The following ITGAM variants were observed in gnomAD, a reference collection of about 807,000 sequenced individuals.
ITGAM encodes the protein integrin alpha-M.
A neutral mutation model predicts 137.5 loss-of-function variants in ITGAM; 79 were observed. That is an observed-to-expected ratio of 0.57 (90% CI 0.48 to 0.69). ITGAM has a LOEUF of 0.69. ITGAM is among the 30% of genes least tolerant of loss of function. ITGAM has a pLI of 0.00. For missense variants in ITGAM, 1,343 were observed against 1,483.5 expected (o/e 0.91, Z 1.56); for synonymous variants, 583 against 592.3 (o/e 0.98, Z 0.23).
At chr16:31,284,101 A>G (rs555248561) in intron 12 of ITGAM, among the ~76,000 whole-genome samples, 1 of 152,250 alleles carries the variant, frequency 6.6e-6, no homozygotes, top group East Asian at 1.9e-4. Flanking sequence ...TTCGTTGCAG[A>G]GGGGCACCCA....
chr16:31,320,693 C>T (rs1214026407), intron 14 of ITGAM, among the ~76,000 whole-genome samples: 1 of 152,148 alleles, frequency 6.6e-6, no homozygotes, highest in Non-Finnish European at 1.5e-5. Context: ...AGATTGATCT[C>T]TTTTTCAGTT....
rs758114270 is a variant in ITGAM, at chr16:31,273,483, G to C, written c.823G>C (p.Ala275Pro). 3 of 1,613,766 alleles carry C rather than the reference G, an allele frequency of 1.9e-6. No homozygotes were observed. The highest frequency in any genetic ancestry group is 1.3e-5 in the African/African-American group (1 of 75,012). The stretch of plus-strand genomic sequence containing the variant: ...GGGATATGAGGATGTCATCCCTGAG[G>C]CAGACAGAGAGGGAGTCATTCGCTA... ...PLGYEDVIPE[A>P]DREGVIRYVI... Residue 275 changes from alanine (A) to proline (P), a missense_variant, in exon 8 of 30, where the codon GCA (alanine) becomes CCA (proline). Transcript: ENST00000544665.
At chr16:31,271,163 T>C in intron 6 of ITGAM, 79 bp downstream of exon 6, 1 of 1,245,194 alleles carries the variant, frequency 8.0e-7, no homozygotes, top group Non-Finnish European at 1.1e-6. Context: ...CATGTTCTCC[T>C]CCCAGTTCAA....
intron 5 of ITGAM, among the ~76,000 whole-genome samples, chr16:31,266,877 T>C (rs1276448793): frequency 1.6e-5 from 1 of 63,642 alleles, no homozygotes; most frequent in South Asian, 3.6e-4. Context: ...TTTTTTTTTT[T>C]TTTTTTTTGA....
chr16:31,262,214 C>A (rs1383362372), intron 2 of ITGAM, among the ~76,000 whole-genome samples: 1 of 152,158 alleles, frequency 6.6e-6, no homozygotes, highest in Non-Finnish European at 1.5e-5. Flanking sequence ...TTGTCTCTTA[C>A]TGTTTATTGC....
intron 12 of ITGAM, among the ~76,000 whole-genome samples, chr16:31,282,072 T>C (rs2079975686): frequency 6.6e-6 from 1 of 152,230 alleles, no homozygotes; most frequent in Non-Finnish European, 1.5e-5. Context: ...GATTGCACTG[T>C]GGTCCGAGAG....
intron 20 of ITGAM, 24 bp downstream of exon 20, chr16:31,325,428 T>C: frequency 6.2e-7 from 1 of 1,612,762 alleles, no homozygotes; most frequent in South Asian, 1.1e-5. Flanking sequence ...TCTCAGGCTC[T>C]ATCTGACCTT....
At chr16:31,302,918 CTCTTTCTTTCTT>C (rs67320202) in intron 14 of ITGAM, among the ~76,000 whole-genome samples, 12,179 of 72,848 alleles carry the variant, frequency 0.17, 1,189 homozygotes, top group Non-Finnish European at 0.18. Context: ...CTTTCCCTCC[CTCTTTCTTTCTT>C]TCTTTCTTTC....
At chr16:31,294,955 C>G (rs766176973) in intron 12 of ITGAM, among the ~76,000 whole-genome samples, 4 of 152,106 alleles carry the variant, frequency 2.6e-5, no homozygotes, top group Non-Finnish European at 5.9e-5. Flanking sequence ...ATCCAGTTCT[C>G]CCCACACCAT....
intron 2 of ITGAM, among the ~76,000 whole-genome samples, chr16:31,263,484 C>T (rs1306929711): frequency 6.6e-6 from 1 of 152,188 alleles, no homozygotes; most frequent in Non-Finnish European, 1.5e-5. Context: ...CATGAAAATA[C>T]CTACTTCCTC....
chr16:31,309,789 A>G (rs1482203376), intron 14 of ITGAM, among the ~76,000 whole-genome samples: 6 of 152,178 alleles, frequency 3.9e-5, no homozygotes, highest in Non-Finnish European at 8.8e-5. Context: ...AGTGGCTGGT[A>G]CCGGCTGTTC....
intron 12 of ITGAM, among the ~76,000 whole-genome samples, chr16:31,285,952 GTGAA>G (rs1448314286): frequency 6.6e-6 from 1 of 152,072 alleles, no homozygotes; most frequent in East Asian, 1.9e-4. Context: ...GATTACAGGT[GTGAA>G]CCACTGCGCC....
chr16:31,268,709 GGCCCTT>G (rs2079796669), intron 5 of ITGAM, among the ~76,000 whole-genome samples: 1 of 152,168 alleles, frequency 6.6e-6, no homozygotes, highest in Non-Finnish European at 1.5e-5. Context: ...GGAGTAGAAA[GGCCCTT>G]GCCCGCTGCT....
chr16:31,328,136 T>C lies in ITGAM; in HGVS notation c.2709-11T>C. ...CTCAAGAGCCGGCTGGAGCTCTTTC[T>C]TTCCCTCCAGTGAGAACAACATGCC... On this transcript the variant is annotated splice_polypyrimidine_tract_variant and intron_variant, in intron 22 of 29. Coordinates refer to ENST00000544665, the MANE Select transcript of ITGAM (RefSeq NM_000632.4). 1 of 1,609,840 alleles carries C rather than the reference T, an allele frequency of 6.2e-7. No homozygotes were observed.
At chr16:31,294,331 A>G (rs550293056) in intron 12 of ITGAM, among the ~76,000 whole-genome samples, 1 of 151,894 alleles carries the variant, frequency 6.6e-6, no homozygotes, top group East Asian at 1.9e-4. Flanking sequence ...TTTCAAGGGG[A>G]ATGCTTTTGC....
chr16:31,303,760 C>A (rs1051201073), intron 14 of ITGAM, among the ~76,000 whole-genome samples: 2 of 152,132 alleles, frequency 1.3e-5, no homozygotes, highest in African/African-American at 4.8e-5. Flanking sequence ...CAAGTTGCTG[C>A]AAAATACATT....
At chr16:31,312,535 G>A (rs186128761) in intron 14 of ITGAM, among the ~76,000 whole-genome samples, 3 of 152,126 alleles carry the variant, frequency 2.0e-5, no homozygotes, top group African/African-American at 4.8e-5. Flanking sequence ...CATGTGATCC[G>A]CCTGCCTCAG....
At chr16:31,315,922 C>T (rs747903448) in intron 14 of ITGAM, among the ~76,000 whole-genome samples, 17 of 151,748 alleles carry the variant, frequency 1.1e-4, no homozygotes, top group East Asian at 2.0e-4. Flanking sequence ...TGGCCGGGCG[C>T]GGTGGCTCAT....
chr16:31,323,142 C>T (rs1330890834), intron 16 of ITGAM, among the ~76,000 whole-genome samples: 1 of 151,702 alleles, frequency 6.6e-6, no homozygotes, highest in Admixed American at 6.6e-5. Flanking sequence ...AAAGAATTTC[C>T]CCAAACTGGC....
Sources: allele counts gnomAD v4.1 joint callset (sites outside exome capture counted in the v4.1 genomes callset), GRCh38; gene constraint gnomAD v4.1.1; transcripts MANE v1.5; gene names NCBI Gene and HGNC (gene_info 2026-07-23, HGNC 2026-07-21).